The following CDC7 variants were observed in gnomAD, a reference collection of about 807,000 sequenced individuals.
The protein encoded by CDC7 is cell division cycle 7-related protein kinase.
A neutral mutation model predicts 53.5 loss-of-function variants in CDC7; 34 were observed. That is an observed-to-expected ratio of 0.64 (90% CI 0.48 to 0.85). The LOEUF (loss-of-function observed/expected upper bound fraction) is 0.85. CDC7 is among the 40% of genes least tolerant of loss of function. The pLI is 0.00. For synonymous variants in CDC7, 211 were observed against 222.8 expected, an observed-to-expected ratio of 0.95 and a Z score of 0.47; for missense variants, 594 against 679.7, an observed-to-expected ratio of 0.87 and a Z score of 1.40.
rs1167064713 is a variant in CDC7 at position 91,515,839 on chromosome 1, A to G, written c.1143A>G (p.Ala381=). ...GGGCAGGTACACCAGGATTCAGAGCACCAGAGGTCTTGACAAAGTGCCCCA... is the reference window on the plus strand; with the variant it reads ...GGGCAGGTACACCAGGATTCAGAGCGCCAGAGGTCTTGACAAAGTGCCCCA... ...APRAGTPGFR[A]PEVLTKCPNQ... Residue 381 remains alanine, a synonymous_variant, in exon 10 of 12, where the codon GCA becomes GCG. Transcript: ENST00000234626. 6.2e-7 allele frequency: 1 copy of G among 1,613,862 alleles called. No homozygotes were observed. The highest frequency in any genetic ancestry group is 2.2e-5 in the East Asian group (1 of 44,816).
intron 11 of CDC7, among the ~76,000 whole-genome samples, chr1:91,521,182 A>G (rs565044267): frequency 6.6e-6 from 1 of 152,336 alleles, no homozygotes. Flanking sequence ...GTTGCATGTC[A>G]GAATTATCTG....
In CDC7 at chr1:91,501,714, GT is replaced by G. The variant is rs1666693618; in HGVS notation, c.-2del. On this transcript the variant is annotated 5_prime_UTR_variant, in exon 2 of 12. Coordinates refer to ENST00000234626, the MANE Select transcript of CDC7 (RefSeq NM_003503.4). ...TGGCATTTTGCATCTCAATTGGCTT[GT>G]GATGGAGGCGTCTTTGGGGATTCAG... 1.9e-6 allele frequency: 3 copies of G among 1,611,858 alleles called. No individual in the cohort carries two copies. In the Admixed American group the frequency reaches 5.0e-5, roughly 27 times the overall value.
intron 4 of CDC7, among the ~76,000 whole-genome samples, chr1:91,509,620 C>G (rs770824270): frequency 6.6e-6 from 1 of 152,270 alleles, no homozygotes; most frequent in East Asian, 1.9e-4. Flanking sequence ...TAGCCTGCTT[C>G]TTCCTTCTCC....
rs1314851458 is a variant in CDC7, at chr1:91,501,684, T to G, written c.-33T>G. 4 of 1,508,754 alleles carry G rather than the reference T, an allele frequency of 2.7e-6. No homozygotes were observed. Among genetic ancestry groups the G allele is most frequent in the Non-Finnish European group, 3.7e-6 (4 of 1,084,956 alleles). 93.5% of individuals were successfully genotyped at this position (1,508,754 alleles called of 1,614,324 possible). ...TTGCTCCCCCTGTGGATGTAACCCC[T>G]TAGCTGGCATTTTGCATCTCAATTG... On this transcript the variant is annotated 5_prime_UTR_variant, in exon 2 of 12. Transcript: ENST00000234626.
intron 10 of CDC7, among the ~76,000 whole-genome samples, chr1:91,516,534 T>G (rs986061683): frequency 6.6e-6 from 1 of 152,116 alleles, no homozygotes; most frequent in Non-Finnish European, 1.5e-5. Flanking sequence ...AATAAATAAA[T>G]GAGACCATCT....
intron 10 of CDC7, among the ~76,000 whole-genome samples, chr1:91,518,636 C>T (rs568242792): frequency 5.3e-5 from 8 of 152,042 alleles, no homozygotes; most frequent in East Asian, 1.9e-4. Flanking sequence ...AGCCAGGCAC[C>T]GAAAGACAAG....
In CDC7 at chr1:91,509,598, A is replaced by G. The variant is rs375823551; in HGVS notation, c.335+1201A>G. Among the ~76,000 whole-genome samples the G allele has an allele frequency of 4.1e-4, 63 of 152,304 alleles. No homozygotes were observed. The East Asian group carries it at 0.012, about 28-fold the overall frequency. Reference sequence around the variant, plus strand: ...TCTGCCACTACCTCAGATGAAGCCTAGACTACGACTGTAGCCTGCTTCTTC... The same window carrying G: ...TCTGCCACTACCTCAGATGAAGCCTGGACTACGACTGTAGCCTGCTTCTTC... On this transcript the variant is annotated intron_variant, in intron 4 of 11. Coordinates refer to ENST00000234626, the MANE Select transcript of CDC7 (RefSeq NM_003503.4).
At chr1:91,508,643 T>C (rs1667112988) in intron 4 of CDC7, among the ~76,000 whole-genome samples, 1 of 152,212 alleles carries the variant, frequency 6.6e-6, no homozygotes, top group African/African-American at 2.4e-5. Flanking sequence ...TTTTGTAACC[T>C]TCCTGCCAAA....
At position 91,524,361 on chromosome 1, in the gene CDC7, G is replaced by A. The variant is rs1200279690; in HGVS notation, c.1651G>A (p.Asp551Asn). Reference sequence around the variant, plus strand: ...TTATGACCTGCTTGATAAACTTCTAGATCTAAATCCAGCTTCAAGAATAAC... The same window carrying A: ...TTATGACCTGCTTGATAAACTTCTAAATCTAAATCCAGCTTCAAGAATAAC... ...EAYDLLDKLL[D>N]LNPASRITAE... Residue 551 changes from aspartate (D) to asparagine (N), a missense_variant, in exon 12 of 12, where the codon GAT becomes AAT. By Grantham distance (23) the Asp-to-Asn change is conservative. Transcript: ENST00000234626. 2 of 1,613,280 alleles carry A rather than the reference G, an allele frequency of 1.2e-6. No individual in the cohort carries two copies. Among genetic ancestry groups the A allele is most frequent in the Non-Finnish European group, 1.7e-6 (2 of 1,179,800 alleles).
At chr1:91,507,272 A>C (rs1667041804) in intron 2 of CDC7, among the ~76,000 whole-genome samples, 3 of 152,174 alleles carry the variant, frequency 2.0e-5, no homozygotes, top group Admixed American at 2.0e-4. Context: ...AACTATGTAC[A>C]TTTTTATAAA....
intron 2 of CDC7, among the ~76,000 whole-genome samples, chr1:91,505,183 T>G (rs982247736): frequency 6.6e-5 from 10 of 151,710 alleles, no homozygotes; most frequent in Non-Finnish European, 1.3e-4. Flanking sequence ...ACAAAGACCC[T>G]GAAACGGCAA....
At chr1:91,504,710 T>G (rs549102514) in intron 2 of CDC7, among the ~76,000 whole-genome samples, 1 of 152,310 alleles carries the variant, frequency 6.6e-6, no homozygotes, top group Non-Finnish European at 1.5e-5. Flanking sequence ...CAGTTTGGGC[T>G]TATATTATGT....
At chr1:91,502,531 T>C (rs1464596203) in intron 2 of CDC7, among the ~76,000 whole-genome samples, 1 of 152,218 alleles carries the variant, frequency 6.6e-6, no homozygotes, top group African/African-American at 2.4e-5. Flanking sequence ...AAGATACTTA[T>C]TTTGACCTTT....
rs183452304 is a variant in CDC7 at position 91,524,110 on chromosome 1, G to C, written c.1400G>C (p.Gly467Ala). 2 of 1,613,730 alleles carry C rather than the reference G, an allele frequency of 1.2e-6. No homozygotes were observed. The highest frequency in any genetic ancestry group is 1.7e-5 in the Admixed American group (1 of 59,992). Residue 467 changes from glycine to alanine, a missense_variant, in exon 12 of 12, where the codon GGT (glycine) becomes GCT (alanine). Physicochemically the swap from Gly to Ala is moderately conservative, Grantham distance 60. Transcript: ENST00000234626. ...DLRKLCERLR[G>A]MDSSTPKLTS... ...AGAAAACTCTGTGAGAGACTCAGGG[G>C]TATGGATTCTAGCACTCCCAAGTTA...
rs13447455 is a variant in CDC7, at chr1:91,500,888, A to G, written c.-124A>G. The G allele has an allele frequency of 0.26, 39,945 of 152,154 alleles. 6,527 individuals carry two copies. The highest frequency in any genetic ancestry group is 0.37 in the Non-Finnish European group (25,239 of 68,020). The allele number at this position is 152,154 out of a possible 1,614,324, so 9.4% of individuals were successfully genotyped here. A position where few individuals can be genotyped will look rare whatever the true frequency, so the allele number is the denominator to read the frequency against. On this transcript the variant is annotated 5_prime_UTR_variant, in exon 1 of 12. Transcript: ENST00000234626. ...CATCCGATCGACTCGGTAGGTGGGG[A>G]TCTCTTGGAGACGGCGACCCAGGCA...
Position 91,501,769 on chromosome 1 carries a change from A to G in CDC7, c.53A>G (p.Gln18Arg), listed in dbSNP as rs755260231. 3 of 1,613,998 alleles carry G rather than the reference A, an allele frequency of 1.9e-6. No homozygotes were observed. Among genetic ancestry groups the G allele is most frequent in the Non-Finnish European group, 1.7e-6 (2 of 1,180,002 alleles). The change falls in exon 2 of 12, where the codon CAG becomes CGG. Residue 18 changes from glutamine to arginine, a missense_variant. Transcript: ENST00000234626. ...QMDEPMAFSP[Q>R]RDRFQAEGSL... ...GATGAGCCAATGGCTTTTTCTCCCC[A>G]GCGTGACCGGTTTCAGGCTGAAGGC...
intron 2 of CDC7, among the ~76,000 whole-genome samples, chr1:91,506,928 C>T (rs1043391499): frequency 6.6e-6 from 1 of 151,982 alleles, no homozygotes. Context: ...CCAACCTGGG[C>T]AACAGAGTGA....
chr1:91,501,977 T>A (rs1296964829), intron 2 of CDC7, 146 bp downstream of exon 2: 1 of 654,954 alleles, frequency 1.5e-6, no homozygotes, highest in African/African-American at 1.8e-5. Context: ...GAGCTTCGTA[T>A]GATCTAAATG....
intron 11 of CDC7, among the ~76,000 whole-genome samples, chr1:91,520,720 CAAGT>C (rs1252774923): frequency 2.0e-5 from 3 of 152,202 alleles, no homozygotes; most frequent in African/African-American, 7.2e-5. Flanking sequence ...GCTATACTAA[CAAGT>C]AAACAGTTAA....
Sources: gnomAD v4.1 joint callset for allele counts (sites outside exome capture counted in the v4.1 genomes callset) on GRCh38, gnomAD v4.1.1 for gene constraint, MANE v1.5 for transcripts, NCBI Gene and HGNC (gene_info 2026-07-23, HGNC 2026-07-21) for gene names.